CIMIP4: variants seen among roughly 807,000 people sequenced by gnomAD.
CIMIP4 encodes ciliary microtubule inner protein 4.
chr22:37,007,755 G>A, the CIMIP4 span: 1 of 152,248 alleles, frequency 6.6e-6, no homozygotes. Context: ...ATAACAGCAG[G>A]AAACACGTGA....
the CIMIP4 span, among the ~76,000 whole-genome samples, chr22:37,002,482 G>A: frequency 6.6e-6 from 1 of 152,252 alleles, no homozygotes. Context: ...AGGAACCAGA[G>A]GCATGGGTGG....
At chr22:37,003,448 A>G in the CIMIP4 span, among the ~76,000 whole-genome samples, 2 of 152,144 alleles carry the variant, frequency 1.3e-5, no homozygotes, top group African/African-American at 4.8e-5. Flanking sequence ...CGCCTGCATC[A>G]AAATCTTTCC....
At chr22:37,006,039 G>A in the CIMIP4 span, among the ~76,000 whole-genome samples, 1 of 152,178 alleles carries the variant, frequency 6.6e-6, no homozygotes, top group African/African-American at 2.4e-5. Flanking sequence ...TTAAAGAGAT[G>A]CCTGATATAT....
At chr22:36,992,438 A>C in the CIMIP4 span, among the ~76,000 whole-genome samples, 1 of 152,222 alleles carries the variant, frequency 6.6e-6, no homozygotes, top group Non-Finnish European at 1.5e-5. Flanking sequence ...GAAACCATCC[A>C]GAAAGAGCAG....
At chr22:37,000,193 G>T in the CIMIP4 span, among the ~76,000 whole-genome samples, 1 of 152,110 alleles carries the variant, frequency 6.6e-6, no homozygotes, top group African/African-American at 2.4e-5. Flanking sequence ...TGCTGTGGGT[G>T]GGGGGCATCA....
chr22:37,003,112 C>T, the CIMIP4 span, among the ~76,000 whole-genome samples: 1 of 152,238 alleles, frequency 6.6e-6, no homozygotes, highest in Non-Finnish European at 1.5e-5. Flanking sequence ...GCATCTTGGC[C>T]GTCAGGCCTC....
chr22:36,991,742 CA>C, the CIMIP4 span: 1 of 656,494 alleles, frequency 1.5e-6, no homozygotes, highest in Non-Finnish European at 2.6e-6. Flanking sequence ...CGTTTGGGTT[CA>C]AACCCAGACT....
chr22:37,004,039 A>G, the CIMIP4 span: 2 of 1,541,334 alleles, frequency 1.3e-6, no homozygotes, highest in Non-Finnish European at 1.8e-6. Flanking sequence ...TAAACAAAGC[A>G]CCACGTTTCA....
the CIMIP4 span, chr22:36,999,782 G>C: frequency 1.1e-5 from 17 of 1,570,874 alleles, no homozygotes; most frequent in East Asian, 1.1e-4. Flanking sequence ...GGCCTTCCCT[G>C]CCCAATGCCT....
the CIMIP4 span, among the ~76,000 whole-genome samples, chr22:37,004,460 G>A: frequency 3.3e-5 from 5 of 152,144 alleles, no homozygotes; most frequent in Admixed American, 3.3e-4. Flanking sequence ...CTCCCATCCT[G>A]GCAACCATTT....
the CIMIP4 span, among the ~76,000 whole-genome samples, chr22:36,998,100 C>T: frequency 6.6e-6 from 1 of 152,214 alleles, no homozygotes; most frequent in Admixed American, 6.5e-5. Context: ...TGGCACAGTT[C>T]TACTTCCCAG....
the CIMIP4 span, among the ~76,000 whole-genome samples, chr22:36,991,778 T>C: frequency 6.6e-6 from 1 of 152,164 alleles, no homozygotes; most frequent in Admixed American, 6.5e-5. Flanking sequence ...TAGTATAGCC[T>C]CAGAGAAATT....
chr22:36,999,412 C>T, the CIMIP4 span, among the ~76,000 whole-genome samples: 1 of 147,488 alleles, frequency 6.8e-6, no homozygotes, highest in Non-Finnish European at 1.5e-5. Context: ...GGGTTGCTTT[C>T]TTGAGCCTGT....
the CIMIP4 span, among the ~76,000 whole-genome samples, chr22:37,004,368 C>T: frequency 0.42 from 63,877 of 151,652 alleles, 13,608 homozygotes; most frequent in East Asian, 0.53. Context: ...TTTTTCCTTT[C>T]ATCTCCTCCT....
the CIMIP4 span, among the ~76,000 whole-genome samples, chr22:36,992,228 T>A: frequency 3.3e-5 from 5 of 152,084 alleles, no homozygotes; most frequent in African/African-American, 1.2e-4. Flanking sequence ...GCTCCTGTAA[T>A]CCCAGCTACT....
the CIMIP4 span, among the ~76,000 whole-genome samples, chr22:36,996,540 C>T: frequency 6.6e-6 from 1 of 151,698 alleles, no homozygotes; most frequent in Non-Finnish European, 1.5e-5. Context: ...CGAAGGAAGA[C>T]TTAAATTAAT....
At chr22:37,001,125 A>T in the CIMIP4 span, among the ~76,000 whole-genome samples, 2 of 152,042 alleles carry the variant, frequency 1.3e-5, no homozygotes, top group Non-Finnish European at 2.9e-5. Flanking sequence ...TTGACCAGAA[A>T]CGGTAGATGA....
At chr22:36,994,820 C>T in the CIMIP4 span, among the ~76,000 whole-genome samples, 6 of 151,892 alleles carry the variant, frequency 4.0e-5, no homozygotes, top group East Asian at 1.9e-4. Context: ...TTAGTAGAGA[C>T]GGGGTTTCAC....
chr22:36,993,457 A>G, the CIMIP4 span, among the ~76,000 whole-genome samples: 1 of 152,116 alleles, frequency 6.6e-6, no homozygotes, highest in Non-Finnish European at 1.5e-5. Flanking sequence ...TCAGATTGAG[A>G]AAAATAAGAA....
Sources: allele counts gnomAD v4.1 joint callset (sites outside exome capture counted in the v4.1 genomes callset), GRCh38; gene constraint gnomAD v4.1.1; transcripts MANE v1.5; gene names NCBI Gene and HGNC (gene_info 2026-07-23, HGNC 2026-07-21).